The following OR2L13 variants were observed in gnomAD, a reference collection of about 807,000 sequenced individuals.
OR2L13 encodes olfactory receptor 2L13.
Under a neutral mutation model 15.3 loss-of-function variants are expected in OR2L13, and 14 were observed. The observed-to-expected ratio is 0.91, with a 90% CI of 0.60 to 1.43. OR2L13 has a LOEUF of 1.43. Ranked by LOEUF, OR2L13 falls within the 40% of genes most tolerant of loss-of-function variation. The pLI, the probability that OR2L13 is intolerant of heterozygous loss-of-function variation, is 0.00. For synonymous variants in OR2L13, 152 were observed against 142.9 expected (o/e 1.06, Z -0.45); for missense variants, 367 against 387.9 (o/e 0.95, Z 0.45).
At chr1:248,083,440 C>T in the OR2L13 span, 28 of 555,996 alleles carry the variant, frequency 5.0e-5, no homozygotes, top group Admixed American at 3.2e-4. Context: ...ATAGATTTTA[C>T]TTCACTTGAA....
the OR2L13 span, among the ~76,000 whole-genome samples, chr1:247,963,262 G>T: frequency 2.0e-5 from 3 of 152,170 alleles, no homozygotes; most frequent in African/African-American, 7.2e-5. Flanking sequence ...GAACGGAGGG[G>T]TCCTCACCTT....
At chr1:248,002,778 A>T in the OR2L13 span, among the ~76,000 whole-genome samples, 1 of 151,830 alleles carries the variant, frequency 6.6e-6, no homozygotes, top group Non-Finnish European at 1.5e-5. Flanking sequence ...GAATGGCGGG[A>T]ACCCGGGAGG....
chr1:248,085,282 G>A, the OR2L13 span, among the ~76,000 whole-genome samples: 3 of 151,306 alleles, frequency 2.0e-5, no homozygotes, highest in African/African-American at 4.9e-5. Context: ...AAAAGCACTC[G>A]ACATGGCATT....
At chr1:247,953,375 A>G in the OR2L13 span, among the ~76,000 whole-genome samples, 4 of 152,308 alleles carry the variant, frequency 2.6e-5, no homozygotes, top group Non-Finnish European at 5.9e-5. Flanking sequence ...TGCGGTATCT[A>G]TGTATCTATG....
chr1:248,026,398 T>C, the OR2L13 span, among the ~76,000 whole-genome samples: 5 of 152,236 alleles, frequency 3.3e-5, no homozygotes, highest in Non-Finnish European at 7.3e-5. Context: ...TGTTTTTACA[T>C]GGAACTTTCC....
the OR2L13 span, among the ~76,000 whole-genome samples, chr1:248,076,880 T>C: frequency 1.3e-5 from 2 of 152,196 alleles, no homozygotes; most frequent in East Asian, 3.8e-4. Context: ...CAACACTATG[T>C]TGAATAGGAG....
the OR2L13 span, chr1:248,022,564 T>C: frequency 5.6e-6 from 9 of 1,614,164 alleles, no homozygotes; most frequent in Admixed American, 6.7e-5. Flanking sequence ...ACCATCTTTC[T>C]TGTGTTTCCC....
chr1:248,076,671 G>T, the OR2L13 span, among the ~76,000 whole-genome samples: 7 of 152,294 alleles, frequency 4.6e-5, no homozygotes, highest in East Asian at 1.3e-3. Context: ...AGGAATCCTT[G>T]TGATTTTTGC....
At position 248,099,891 on chromosome 1, in the gene OR2L13, T is replaced by C. The variant is rs531478896; in HGVS notation, c.516T>C (p.Ala172=). 36 of 1,614,174 alleles carry C rather than the reference T, an allele frequency of 2.2e-5. No individual in the cohort carries two copies. In the South Asian group the frequency reaches 3.8e-4, roughly 17 times the overall value. Residue 172 remains alanine (A), a synonymous_variant, in exon 3 of 3, where the codon GCT becomes GCC. Transcript: ENST00000641714. Reference sequence around the variant, plus strand: ...ATATTCCCTACTGCAGGTCTAGGGCTATTGACCATTTCTTCTGCGATGTCC... The same window carrying C: ...ATATTCCCTACTGCAGGTCTAGGGCCATTGACCATTTCTTCTGCGATGTCC...
the OR2L13 span, among the ~76,000 whole-genome samples, chr1:248,031,311 T>C: frequency 6.6e-6 from 1 of 152,220 alleles, no homozygotes; most frequent in Non-Finnish European, 1.5e-5. Flanking sequence ...AGATGCTACA[T>C]TGGTGTTCAT....
chr1:247,967,827 G>A, the OR2L13 span, among the ~76,000 whole-genome samples: 6 of 151,620 alleles, frequency 4.0e-5, no homozygotes, highest in Admixed American at 6.6e-5. Flanking sequence ...CTAACCAGTT[G>A]TAAGTTCTCC....
At chr1:248,014,006 A>G in the OR2L13 span, among the ~76,000 whole-genome samples, 1 of 152,132 alleles carries the variant, frequency 6.6e-6, no homozygotes, top group East Asian at 1.9e-4. Flanking sequence ...ATATTAAACT[A>G]TGCTTTTTTG....
chr1:248,053,283 CTTA>C, the OR2L13 span, among the ~76,000 whole-genome samples: 2 of 152,140 alleles, frequency 1.3e-5, no homozygotes, highest in Admixed American at 6.5e-5. Context: ...AGGACATGAT[CTTA>C]TTATTTTTTA....
chr1:248,038,248 A>G, the OR2L13 span: 4,565 of 1,530,566 alleles, frequency 3.0e-3, 23 homozygotes, highest in South Asian at 3.8e-3. Flanking sequence ...TCCCTTCAGG[A>G]TGGATTGTAG....
the OR2L13 span, among the ~76,000 whole-genome samples, chr1:247,951,000 GT>G: frequency 2.0e-5 from 3 of 152,216 alleles, no homozygotes; most frequent in South Asian, 4.1e-4. Context: ...ATTACACATT[GT>G]ACGTGTTTTT....
chr1:248,004,174 T>TAAA, the OR2L13 span: 1 of 897,602 alleles, frequency 1.1e-6, no homozygotes, highest in Non-Finnish European at 1.6e-6. Context: ...CAAAAAGTAA[T>TAAA]CAACAGAAGA....
At chr1:248,078,828 A>G in the OR2L13 span, among the ~76,000 whole-genome samples, 5 of 152,002 alleles carry the variant, frequency 3.3e-5, no homozygotes, top group Admixed American at 3.3e-4. Flanking sequence ...TAACTTGGAT[A>G]GGGCTCAAGG....
At chr1:247,957,696 T>C in the OR2L13 span, among the ~76,000 whole-genome samples, 2 of 152,230 alleles carry the variant, frequency 1.3e-5, no homozygotes, top group Non-Finnish European at 2.9e-5. Flanking sequence ...GAGGAATTTA[T>C]CCATTTCTTC....
the OR2L13 span, among the ~76,000 whole-genome samples, chr1:248,077,711 T>A: frequency 6.6e-6 from 1 of 152,140 alleles, no homozygotes; most frequent in African/African-American, 2.4e-5. Context: ...TCATGAAAAT[T>A]AAAAACTTCT....
Sources: gnomAD v4.1 joint callset for allele counts (sites outside exome capture counted in the v4.1 genomes callset) on GRCh38, gnomAD v4.1.1 for gene constraint, MANE v1.5 for transcripts, NCBI Gene and HGNC (gene_info 2026-07-23, HGNC 2026-07-21) for gene names.